TRIM36: variants seen among roughly 807,000 people sequenced by gnomAD.
TRIM36 encodes E3 ubiquitin-protein ligase TRIM36.
A neutral mutation model predicts 72.4 loss-of-function variants in TRIM36; 42 were observed. That is an observed-to-expected ratio of 0.58 (90% CI 0.45 to 0.75). The LOEUF (loss-of-function observed/expected upper bound fraction) is 0.75, where lower values mean the gene tolerates loss of function less well. TRIM36 is among the 30% of genes least tolerant of loss of function. TRIM36 has a pLI of 0.00. For synonymous variants in TRIM36, 315 were observed against 282.8 expected (o/e 1.11, Z -1.14); for missense variants, 913 against 857.1 (o/e 1.07, Z -0.81).
In TRIM36 at chr5:115,130,904, A is replaced by C. The variant is rs770014472; in HGVS notation, c.1499-15T>G. 1.9e-6 allele frequency: 3 copies of C among 1,594,492 alleles called. No individual in the cohort carries two copies. In the South Asian group the frequency reaches 3.4e-5, roughly 18 times the overall value. On this transcript the variant is annotated splice_polypyrimidine_tract_variant and intron_variant, in intron 8 of 9. Transcript: ENST00000513154. ...GAAGCTGAAAACTAAATGGAGCTTA[A>C]AATTAATATCAGGCTAAAAATTATC... is the stretch of plus-strand genomic sequence containing the variant.
At position 115,126,715 on chromosome 5, in the gene TRIM36, C is replaced by T. The variant is rs572277959; in HGVS notation, c.1939G>A (p.Val647Ile). The T allele has an allele frequency of 6.2e-7, 1 of 1,614,176 alleles. No individual in the cohort carries two copies. The highest frequency in any genetic ancestry group is 8.5e-7 in the Non-Finnish European group (1 of 1,180,036). ...PTSSNEPENR[V>I]LPMPTSIGIF... ...CCAATACTTGTTGGCATAGGGAGAACTCTATTTTCAGGTTCATTAGAAGAA... is the reference window on the plus strand; with the variant it reads ...CCAATACTTGTTGGCATAGGGAGAATTCTATTTTCAGGTTCATTAGAAGAA... Residue 647 changes from valine to isoleucine, a missense_variant, in exon 10 of 10, where the codon GTT (valine) becomes ATT (isoleucine). Transcript: ENST00000513154.
At chr5:115,136,691 G>A (rs1371383200) in intron 7 of TRIM36, among the ~76,000 whole-genome samples, 2 of 152,014 alleles carry the variant, frequency 1.3e-5, no homozygotes, top group Non-Finnish European at 2.9e-5. Context: ...TTAAAATATT[G>A]CTTTACACCA....
intron 2 of TRIM36, among the ~76,000 whole-genome samples, chr5:115,152,793 CTTT>C (rs994829664): frequency 6.6e-6 from 1 of 152,062 alleles, no homozygotes. Context: ...AGGTAAGAGT[CTTT>C]TTCAGACAAA....
chr5:115,159,083 A>G (rs1754338826), intron 2 of TRIM36, among the ~76,000 whole-genome samples: 1 of 152,214 alleles, frequency 6.6e-6, no homozygotes. Context: ...ACATAGAATC[A>G]AATATTTCAG....
At chr5:115,177,508 A>G in intron 1 of TRIM36, 3 of 1,313,416 alleles carry the variant, frequency 2.3e-6, no homozygotes, top group Non-Finnish European at 2.9e-6. Flanking sequence ...AACCCCACAG[A>G]GGAAAATAAA....
intron 5 of TRIM36, among the ~76,000 whole-genome samples, chr5:115,139,128 T>C (rs1580654650): frequency 6.8e-6 from 1 of 146,532 alleles, no homozygotes; most frequent in Non-Finnish European, 1.5e-5. Flanking sequence ...TTTTTTTTTT[T>C]CTTTTTTTTT....
chr5:115,160,807 T>C (rs147481371), intron 2 of TRIM36, among the ~76,000 whole-genome samples: 48 of 152,180 alleles, frequency 3.2e-4, no homozygotes, highest in African/African-American at 1.2e-3. Context: ...GATCAAGCCA[T>C]TGCACTCCAG....
At chr5:115,170,082 G>T, upstream of TRIM36, 1 of 636,636 alleles carries the variant, frequency 1.6e-6, no homozygotes, top group Non-Finnish European at 2.0e-6. Context: ...CTGGGCGTGG[G>T]TGTGGCACGC....
rs926317268 is a variant in TRIM36, at chr5:115,130,966, C to T, written c.1499-77G>A. 3 of 1,469,086 alleles carry T rather than the reference C, an allele frequency of 2.0e-6. No individual in the cohort carries two copies. The African/African-American group carries it at 4.2e-5, about 21-fold the overall frequency. 91.0% of individuals were successfully genotyped at this position (1,469,086 alleles called of 1,614,324 possible). ...TTGTTAAATCTGATAGGTTTTCTTA[C>T]AGAAATTACTGAAGAGAGACAGGAA... On this transcript the variant is annotated intron_variant, in intron 8 of 9. Coordinates refer to ENST00000513154, the MANE Select transcript of TRIM36 (RefSeq NM_001300759.2).
chr5:115,152,618 A>T (rs1024481355), intron 2 of TRIM36, among the ~76,000 whole-genome samples: 1 of 152,200 alleles, frequency 6.6e-6, no homozygotes, highest in African/African-American at 2.4e-5. Flanking sequence ...GCTGTGACAC[A>T]AAAGTACCAG....
chr5:115,147,190 G>C lies in TRIM36; in HGVS notation c.467C>G (p.Thr156Arg), dbSNP rs201162913. The change falls in exon 3 of 10, where the codon ACA (threonine) becomes AGA (arginine). Residue 156 changes from threonine (T) to arginine (R), a missense_variant. Coordinates refer to ENST00000513154, the MANE Select transcript of TRIM36 (RefSeq NM_001300759.2). The part of the protein sequence containing the change: ...DLCKPPPQES[T>R]KSCMDCSASY... ...TGCACTACAGTCCATGCAGCTTTTTGTGGATTCTTGAGGTGGTGGTTTACA... is the reference window on the plus strand; with the variant it reads ...TGCACTACAGTCCATGCAGCTTTTTCTGGATTCTTGAGGTGGTGGTTTACA... 120 of 1,614,070 alleles carry C rather than the reference G, an allele frequency of 7.4e-5. No homozygotes were observed. The highest frequency in any genetic ancestry group is 1.5e-5 in the Non-Finnish European group (18 of 1,180,038).
At chr5:115,161,934 T>C (rs535617266) in intron 2 of TRIM36, among the ~76,000 whole-genome samples, 9 of 152,356 alleles carry the variant, frequency 5.9e-5, no homozygotes, top group Admixed American at 5.9e-4. Context: ...TGACACCTGA[T>C]GTAAACACAT....
At chr5:115,128,143 T>G (rs1752453859) in intron 9 of TRIM36, among the ~76,000 whole-genome samples, 1 of 150,784 alleles carries the variant, frequency 6.6e-6, no homozygotes, top group Non-Finnish European at 1.5e-5. Context: ...TTTGGGAGGC[T>G]GAGGAGGGCG....
At chr5:115,136,904 G>C (rs1429575136) in intron 7 of TRIM36, 96 bp downstream of exon 7, 2 of 1,290,238 alleles carry the variant, frequency 1.6e-6, no homozygotes, top group Non-Finnish European at 2.1e-6. Flanking sequence ...GTGAGATGCT[G>C]CTTTATAATG....
chr5:115,160,732 G>T (rs796800514), intron 2 of TRIM36, among the ~76,000 whole-genome samples: 2 of 152,070 alleles, frequency 1.3e-5, no homozygotes, highest in Non-Finnish European at 2.9e-5. Flanking sequence ...TCTAGTCTCC[G>T]GTATGTAGGA....
At chr5:115,128,370 A>C (rs1580632522) in intron 9 of TRIM36, among the ~76,000 whole-genome samples, 1 of 96 alleles carries the variant, frequency 0.01, no homozygotes, top group Non-Finnish European at 0.033. Context: ...ACTCCATCTC[A>C]AAAAAAAAAA....
At chr5:115,142,274 C>T (rs899633629) in intron 4 of TRIM36, among the ~76,000 whole-genome samples, 4 of 152,074 alleles carry the variant, frequency 2.6e-5, no homozygotes, top group Non-Finnish European at 5.9e-5. Flanking sequence ...CTGAGAGGTA[C>T]GTCTCAGCAC....
At chr5:115,164,594 C>G (rs756118965) in intron 1 of TRIM36, among the ~76,000 whole-genome samples, 1 of 152,192 alleles carries the variant, frequency 6.6e-6, no homozygotes, top group Non-Finnish European at 1.5e-5. Context: ...ACAAGAACAG[C>G]ATGGGGAAAA....
upstream of TRIM36, among the ~76,000 whole-genome samples, chr5:115,174,469 G>T (rs1755248400): frequency 6.6e-6 from 1 of 152,192 alleles, no homozygotes; most frequent in Admixed American, 6.5e-5. Flanking sequence ...GGTATCAGGA[G>T]GTTACCAGTA....
Sources: gnomAD v4.1 joint callset for allele counts (sites outside exome capture counted in the v4.1 genomes callset) on GRCh38, gnomAD v4.1.1 for gene constraint, MANE v1.5 for transcripts, NCBI Gene and HGNC (gene_info 2026-07-23, HGNC 2026-07-21) for gene names.